Variants in NR3C2 observed in about 807,000 individuals in gnomAD.
NR3C2 encodes the protein nuclear receptor subfamily 3 group C member 2.
A neutral mutation model predicts 86.4 loss-of-function variants in NR3C2; 15 were observed. The ratio of observed to expected loss-of-function variants is 0.17; its 90% CI spans 0.12 to 0.27. NR3C2 has a LOEUF of 0.27. NR3C2 is among the 10% of genes least tolerant of loss of function. The pLI, the probability that NR3C2 is intolerant of heterozygous loss-of-function variation, is 1.00. For missense variants in NR3C2, 960 were observed against 1,195.6 expected (o/e 0.80, Z 2.91); for synonymous variants, 458 against 450.5 (o/e 1.02, Z -0.21).
intron 2 of NR3C2, among the ~76,000 whole-genome samples, chr4:148,346,025 G>A (rs938150843): frequency 6.6e-6 from 1 of 152,100 alleles, no homozygotes; most frequent in Non-Finnish European, 1.5e-5. Flanking sequence ...TAAGAGGAGA[G>A]GGCAGAATGC....
intron 2 of NR3C2, among the ~76,000 whole-genome samples, chr4:148,350,188 GC>G (rs1415430446): frequency 6.6e-6 from 1 of 152,112 alleles, no homozygotes; most frequent in Non-Finnish European, 1.5e-5. Context: ...AAGATTAATT[GC>G]CCAAGCCAAT....
intron 8 of NR3C2, among the ~76,000 whole-genome samples, chr4:148,089,040 T>C (rs1230500286): frequency 2.0e-5 from 3 of 152,186 alleles, no homozygotes; most frequent in Non-Finnish European, 4.4e-5. Context: ...TATAGTTTAA[T>C]AGTCTGGTGA....
intron 2 of NR3C2, among the ~76,000 whole-genome samples, chr4:148,410,269 A>G (rs1748630379): frequency 6.6e-6 from 1 of 152,186 alleles, no homozygotes; most frequent in Admixed American, 6.5e-5. Context: ...CTTCTCACCC[A>G]TACCATTCCA....
intron 2 of NR3C2, among the ~76,000 whole-genome samples, chr4:148,269,733 T>C (rs1424131711): frequency 6.6e-6 from 1 of 152,236 alleles, no homozygotes; most frequent in Non-Finnish European, 1.5e-5. Flanking sequence ...TGTGTGAGCA[T>C]ACTTATATTT....
chr4:148,241,089 T>A (rs1048483644), intron 3 of NR3C2, among the ~76,000 whole-genome samples: 31 of 152,028 alleles, frequency 2.0e-4, no homozygotes, highest in African/African-American at 7.5e-4. Flanking sequence ...GAGGATCACC[T>A]GAGGTCAGGA....
chr4:148,429,864 C>T (rs565851819), intron 2 of NR3C2, among the ~76,000 whole-genome samples: 21 of 152,038 alleles, frequency 1.4e-4, no homozygotes, highest in Admixed American at 4.6e-4. Context: ...ATTTAGTAAA[C>T]GAAACAAAAT....
chr4:148,396,845 T>C (rs997257758), intron 2 of NR3C2, among the ~76,000 whole-genome samples: 3 of 152,222 alleles, frequency 2.0e-5, no homozygotes, highest in African/African-American at 4.8e-5. Context: ...ACACAGTAAG[T>C]ATATTACCAA....
At chr4:148,287,788 G>A (rs1233264883) in intron 2 of NR3C2, among the ~76,000 whole-genome samples, 1 of 151,868 alleles carries the variant, frequency 6.6e-6, no homozygotes, top group East Asian at 1.9e-4. Context: ...ATAGTTTTTG[G>A]TTACATAACT....
At chr4:148,383,475 T>C (rs1357113142) in intron 2 of NR3C2, among the ~76,000 whole-genome samples, 1 of 152,164 alleles carries the variant, frequency 6.6e-6, no homozygotes, top group Non-Finnish European at 1.5e-5. Flanking sequence ...ATGTACTGTA[T>C]CTGAAATCAA....
At chr4:148,276,016 A>C (rs756705810) in intron 2 of NR3C2, among the ~76,000 whole-genome samples, 1 of 152,228 alleles carries the variant, frequency 6.6e-6, no homozygotes, top group Non-Finnish European at 1.5e-5. Flanking sequence ...AGTACTATTT[A>C]AATATTATTC....
rs199856036 is a variant in NR3C2 at position 148,186,695 on chromosome 4, T to C, written c.2014+8051A>G. Among the ~76,000 whole-genome samples the C allele has an allele frequency of 5.2e-4, 79 of 152,050 alleles. No individual in the cohort carries two copies. In the East Asian group the frequency reaches 0.015, roughly 29 times the overall value. Reference sequence around the variant, plus strand: ...TTCTTTAGTGGTGATTTGTGAGATTTTGGTGCACCCATCATCCAAGCAGTA... The same window carrying C: ...TTCTTTAGTGGTGATTTGTGAGATTCTGGTGCACCCATCATCCAAGCAGTA... On this transcript the variant is annotated intron_variant, in intron 4 of 8. Transcript: ENST00000358102.
At position 148,081,057 on chromosome 4, in the gene NR3C2, A is replaced by G. The variant is rs903489693; in HGVS notation, c.*287T>C. On this transcript the variant is annotated 3_prime_UTR_variant, in exon 9 of 9. Transcript: ENST00000358102. ...ACTTCTTCCATCTGTGAAAATATCA[A>G]AATCAGAGTTATTGACTAGATATGG... 4.5e-6 allele frequency: 2 copies of G among 445,750 alleles called. No individual in the cohort carries two copies. Among genetic ancestry groups the G allele is most frequent in the Non-Finnish European group, 8.3e-6 (2 of 239,560 alleles). 27.6% of individuals were successfully genotyped at this position (445,750 alleles called of 1,614,324 possible). A position where few individuals can be genotyped will look rare whatever the true frequency, so the allele number is the denominator to read the frequency against.
At chr4:148,364,728 C>A (rs1746021559) in intron 2 of NR3C2, among the ~76,000 whole-genome samples, 1 of 152,004 alleles carries the variant, frequency 6.6e-6, no homozygotes, top group Admixed American at 6.6e-5. Flanking sequence ...TGCCATATGG[C>A]CTGACTGTCC....
intron 2 of NR3C2, among the ~76,000 whole-genome samples, chr4:148,269,570 C>T (rs1455579533): frequency 6.6e-6 from 1 of 152,028 alleles, no homozygotes; most frequent in Non-Finnish European, 1.5e-5. Context: ...AAATATTTAC[C>T]GAGCATGCAT....
intron 2 of NR3C2, among the ~76,000 whole-genome samples, chr4:148,397,083 T>C (rs1246230268): frequency 1.3e-5 from 2 of 152,238 alleles, no homozygotes; most frequent in South Asian, 2.1e-4. Context: ...TTAGGCATTA[T>C]ACACCATGGA....
At chr4:148,236,905 C>T (rs1166558308) in intron 3 of NR3C2, among the ~76,000 whole-genome samples, 1 of 152,186 alleles carries the variant, frequency 6.6e-6, no homozygotes. Context: ...ATTCCCAGTT[C>T]TTAAGGGGCT....
chr4:148,221,890 T>C (rs1737870507), intron 3 of NR3C2, among the ~76,000 whole-genome samples: 1 of 113,696 alleles, frequency 8.8e-6, no homozygotes, highest in African/African-American at 3.6e-5. Flanking sequence ...CAAGACTCTG[T>C]CTTAAAAAAA....
intron 3 of NR3C2, among the ~76,000 whole-genome samples, chr4:148,233,267 A>T (rs770376410): frequency 3.3e-5 from 5 of 152,042 alleles, no homozygotes; most frequent in Non-Finnish European, 7.4e-5. Context: ...TTCCTCACTA[A>T]GTTTAATCCT....
chr4:148,092,369 G>A (rs1038942637), intron 8 of NR3C2, among the ~76,000 whole-genome samples: 4 of 152,212 alleles, frequency 2.6e-5, no homozygotes, highest in South Asian at 2.1e-4. Context: ...CTTAAACAGC[G>A]GCCTGCAAGC....
Sources: gnomAD v4.1 joint callset for allele counts (sites outside exome capture counted in the v4.1 genomes callset) on GRCh38, gnomAD v4.1.1 for gene constraint, MANE v1.5 for transcripts, NCBI Gene and HGNC (gene_info 2026-07-23, HGNC 2026-07-21) for gene names.